Variants in THRAP3 observed in about 807,000 individuals in gnomAD.
The protein encoded by THRAP3 is thyroid hormone receptor-associated protein 3.
In THRAP3, 16 loss-of-function variants were observed where a neutral mutation model predicts 101.0. The ratio of observed to expected loss-of-function variants is 0.16; its 90% CI spans 0.11 to 0.24. The LOEUF (loss-of-function observed/expected upper bound fraction) is 0.24. Among genes scored for constraint, THRAP3 ranks in the 10% least tolerant of loss-of-function variants. The pLI, the probability that THRAP3 is intolerant of heterozygous loss-of-function variation, is 1.00. For missense variants in THRAP3, 989 were observed against 1,202.7 expected (o/e 0.82, Z 2.63); for synonymous variants, 407 against 422.6 (o/e 0.96, Z 0.45).
At chr1:36,254,276 C>A (rs767949727) in intron 1 of THRAP3, among the ~76,000 whole-genome samples, 1 of 152,076 alleles carries the variant, frequency 6.6e-6, no homozygotes, top group South Asian at 2.1e-4. Context: ...TATTTTTTAC[C>A]GTCATTTGCT....
At chr1:36,263,755 C>A (rs186460685) in intron 2 of THRAP3, among the ~76,000 whole-genome samples, 1 of 152,126 alleles carries the variant, frequency 6.6e-6, no homozygotes, top group Non-Finnish European at 1.5e-5. Context: ...TTAATAGACA[C>A]GCATTGACTG....
intron 1 of THRAP3, among the ~76,000 whole-genome samples, chr1:36,256,856 T>C (rs1645382515): frequency 6.6e-6 from 1 of 151,830 alleles, no homozygotes; most frequent in African/African-American, 2.4e-5. Context: ...AGTGCAGTGG[T>C]GCGATCTCGG....
chr1:36,251,360 A>G (rs1315008860), intron 1 of THRAP3, among the ~76,000 whole-genome samples: 3 of 152,230 alleles, frequency 2.0e-5, no homozygotes, highest in African/African-American at 4.8e-5. Flanking sequence ...ACTTTTCCCC[A>G]ACCTCTCTGC....
chr1:36,208,842 C>CTTTT, the THRAP3 span, among the ~76,000 whole-genome samples: 2 of 151,442 alleles, frequency 1.3e-5, no homozygotes, highest in African/African-American at 4.9e-5. Flanking sequence ...AATTTTTGTA[C>CTTTT]TTTTTGTAGA....
chr1:36,295,916 A>C (rs908596574), intron 8 of THRAP3, among the ~76,000 whole-genome samples: 1 of 143,506 alleles, frequency 7.0e-6, no homozygotes, highest in African/African-American at 2.6e-5. Context: ...AGCCAGCCCA[A>C]CCACCTACTT....
At chr1:36,288,142 T>C (rs180949333) in intron 4 of THRAP3, 2 of 978,216 alleles carry the variant, frequency 2.0e-6, no homozygotes, top group East Asian at 2.3e-4. Context: ...AGTAAGTCTG[T>C]TTTATTTTAT....
At chr1:36,209,027 A>G in the THRAP3 span, among the ~76,000 whole-genome samples, 1 of 117,918 alleles carries the variant, frequency 8.5e-6, no homozygotes, top group African/African-American at 3.3e-5. Context: ...CCCAGGCTGG[A>G]GTGCAGTGAT....
chr1:36,270,503 T>G (rs899992040), intron 2 of THRAP3, among the ~76,000 whole-genome samples: 1 of 152,034 alleles, frequency 6.6e-6, no homozygotes, highest in African/African-American at 2.4e-5. Context: ...AAAGTAGATT[T>G]ACTGTGAGAA....
intron 2 of THRAP3, among the ~76,000 whole-genome samples, chr1:36,274,872 C>T (rs1372365291): frequency 1.3e-5 from 2 of 150,736 alleles, no homozygotes; most frequent in Non-Finnish European, 3.0e-5. Flanking sequence ...ACCAAGTGAT[C>T]CACCCGCCTT....
chr1:36,281,976 G>A (rs1212700886), intron 2 of THRAP3, among the ~76,000 whole-genome samples: 1 of 152,160 alleles, frequency 6.6e-6, no homozygotes, highest in Non-Finnish European at 1.5e-5. Context: ...GGGAGGCTGA[G>A]GCAGGAGAAT....
At chr1:36,215,319 C>A in the THRAP3 span, among the ~76,000 whole-genome samples, 1 of 152,176 alleles carries the variant, frequency 6.6e-6, no homozygotes, top group African/African-American at 2.4e-5. Context: ...CCAGTGGGAT[C>A]CGGCTCCTTA....
At chr1:36,295,237 G>GA (rs1314084478) in intron 8 of THRAP3, among the ~76,000 whole-genome samples, 8 of 117,144 alleles carry the variant, frequency 6.8e-5, no homozygotes, top group Admixed American at 8.4e-5. Flanking sequence ...AAAAAAAAAG[G>GA]AAAAAAAAAA....
chr1:36,220,224 C>T (rs937491877), upstream of THRAP3, among the ~76,000 whole-genome samples: 3 of 152,126 alleles, frequency 2.0e-5, no homozygotes, highest in Non-Finnish European at 4.4e-5. Context: ...AAGTCCTGAC[C>T]TCAAGTGATC....
chr1:36,217,573 G>A, the THRAP3 span, among the ~76,000 whole-genome samples: 1 of 151,920 alleles, frequency 6.6e-6, no homozygotes. Context: ...GCAACCCTGT[G>A]TCAAGCAAGT....
intron 2 of THRAP3, among the ~76,000 whole-genome samples, chr1:36,270,894 T>C (rs552047083): frequency 1.3e-5 from 2 of 152,088 alleles, no homozygotes; most frequent in East Asian, 3.9e-4. Context: ...TTTTTTAATA[T>C]CAGAAAAAAG....
intron 8 of THRAP3, among the ~76,000 whole-genome samples, chr1:36,294,803 C>G (rs1199521181): frequency 6.6e-6 from 1 of 152,116 alleles, no homozygotes; most frequent in Non-Finnish European, 1.5e-5. Flanking sequence ...TCCTCCATGC[C>G]CCAAAAAAGC....
chr1:36,254,696 T>C (rs1361871984), intron 1 of THRAP3, among the ~76,000 whole-genome samples: 1 of 152,118 alleles, frequency 6.6e-6, no homozygotes, highest in Non-Finnish European at 1.5e-5. Context: ...GGTGTGTAAA[T>C]TGGAATTTCC....
At chr1:36,269,722 C>A (rs190630771) in intron 2 of THRAP3, among the ~76,000 whole-genome samples, 5 of 152,062 alleles carry the variant, frequency 3.3e-5, no homozygotes, top group Non-Finnish European at 7.4e-5. Context: ...AGGAGCTCAC[C>A]ATCATGCCCA....
rs1422196660 is a variant in THRAP3, at chr1:36,287,156, T to C, written c.926T>C (p.Leu309Pro). 2 of 1,614,096 alleles carry C rather than the reference T, an allele frequency of 1.2e-6. No homozygotes were observed. The highest frequency in any genetic ancestry group is 1.7e-6 in the Non-Finnish European group (2 of 1,180,048). ...CAGTTCGACCATGGTTCTGGGTCCC[T>C]GAGTCCATCCAAAAAGAGCCCTGTG... ...QGQFDHGSGSLSPSKKSPVGK... is the reference protein window; with the variant it reads ...QGQFDHGSGSPSPSKKSPVGK... The change falls in exon 4 of 12, where the codon CTG (leucine) becomes CCG (proline). Residue 309 changes from leucine to proline, a missense_variant. Transcript: ENST00000354618.
Sources: allele counts gnomAD v4.1 joint callset (sites outside exome capture counted in the v4.1 genomes callset), GRCh38; gene constraint gnomAD v4.1.1; transcripts MANE v1.5; gene names NCBI Gene and HGNC (gene_info 2026-07-23, HGNC 2026-07-21).